The following CHD1 variants were observed in gnomAD, a reference collection of about 807,000 sequenced individuals.
CHD1 encodes ATP-dependent chromatin remodeler CHD1.
A neutral mutation model predicts 224.2 loss-of-function variants in CHD1; 36 were observed. The observed-to-expected ratio is 0.16, with a 90% CI of 0.12 to 0.21. The LOEUF (loss-of-function observed/expected upper bound fraction) is 0.21. Ranked by LOEUF, CHD1 falls within the 10% of genes least tolerant of loss-of-function variation. CHD1 has a pLI of 1.00. For missense variants in CHD1, 1,378 were observed against 1,994.8 expected, an observed-to-expected ratio of 0.69 and a Z score of 5.89; for synonymous variants, 668 against 658.3, an observed-to-expected ratio of 1.01 and a Z score of -0.23.
chr5:98,883,546 G>A (rs1364347788), intron 18 of CHD1, among the ~76,000 whole-genome samples: 2 of 151,792 alleles, frequency 1.3e-5, no homozygotes, highest in Non-Finnish European at 2.9e-5. Context: ...AAAACAGCGT[G>A]GAAATTCCTT....
Position 98,879,695 on chromosome 5 carries a change from T to C in CHD1, c.3094A>G (p.Ile1032Val), listed in dbSNP as rs1231601363. 2.5e-6 allele frequency: 4 copies of C among 1,605,518 alleles called. No homozygotes were observed. The highest frequency in any genetic ancestry group is 3.4e-6 in the Non-Finnish European group (4 of 1,177,972). ...GAATTTCTTTCAGGTTCCAACTCAA[T>C]GTCATCCTCATCCATATTTGAGAAG... is the stretch of plus-strand genomic sequence containing the variant. ...ANFSNMDEDDIELEPERNSKN... is the reference protein window; with the variant it reads ...ANFSNMDEDDVELEPERNSKN... Residue 1032 changes from isoleucine to valine, a missense_variant, in exon 23 of 36, where the codon ATT (isoleucine) becomes GTT (valine). Physicochemically the swap from Ile to Val is conservative, Grantham distance 29. Coordinates refer to ENST00000614616, the MANE Select transcript of CHD1 (RefSeq NM_001270.4).
Position 98,876,525 on chromosome 5 carries a change from T to C in CHD1, c.3271A>G (p.Arg1091Gly), listed in dbSNP as rs1490604656. 1.9e-6 allele frequency: 3 copies of C among 1,613,914 alleles called. No homozygotes were observed. Among genetic ancestry groups the C allele is most frequent in the South Asian group, 2.2e-5 (2 of 91,082 alleles). The change falls in exon 24 of 36, where the codon AGA (arginine) becomes GGA (glycine). Residue 1091 changes from arginine to glycine, a missense_variant. Arg to Gly is a moderately radical substitution (Grantham distance 125, BLOSUM62 -2). Transcript: ENST00000614616. ...SFNGSEGRRSRSRRYSGSDSD... is the reference protein window; with the variant it reads ...SFNGSEGRRSGSRRYSGSDSD... ...TCAGATCCAGAGTATCTCCTACTTCTACTGCGCCTCCCTTCACTTCCATTG... is the reference window on the plus strand; with the variant it reads ...TCAGATCCAGAGTATCTCCTACTTCCACTGCGCCTCCCTTCACTTCCATTG...
At chr5:98,888,903 G>C (rs1023285220) in intron 16 of CHD1, among the ~76,000 whole-genome samples, 173 bp downstream of exon 16, 6 of 152,074 alleles carry the variant, frequency 3.9e-5, no homozygotes, top group Non-Finnish European at 7.4e-5. Context: ...ACATAAATTA[G>C]AATTTTAAAG....
intron 1 of CHD1, among the ~76,000 whole-genome samples, chr5:98,926,924 G>C (rs796946517): frequency 8.9e-6 from 1 of 112,080 alleles, no homozygotes; most frequent in East Asian, 3.3e-4. Flanking sequence ...GAAGTGGGGG[G>C]GGGGGTGGGA....
intron 32 of CHD1, 115 bp from the exon 33 acceptor site, chr5:98,860,183 T>A (rs752658228): frequency 1.3e-5 from 9 of 688,076 alleles, no homozygotes; most frequent in Non-Finnish European, 2.5e-5. Context: ...CAGCCCTCTA[T>A]GGAACAAACT....
chr5:98,903,052 C>T (rs1194664259), intron 4 of CHD1, 88 bp from the exon 5 acceptor site: 7 of 689,722 alleles, frequency 1.0e-5, no homozygotes, highest in Non-Finnish European at 1.7e-5. Context: ...ATTTAACATT[C>T]ACTTTACAAA....
chr5:98,894,734 T>C, intron 12 of CHD1, 48 bp from the exon 13 acceptor site: 1 of 789,606 alleles, frequency 1.3e-6, no homozygotes, highest in Non-Finnish European at 2.1e-6. Flanking sequence ...ATCAAGCAAA[T>C]TATACTTTTA....
At chr5:98,865,833 C>T (rs757847084) in intron 31 of CHD1, among the ~76,000 whole-genome samples, 15 of 152,126 alleles carry the variant, frequency 9.9e-5, no homozygotes, top group Non-Finnish European at 1.6e-4. Context: ...TCTTCATTTC[C>T]ATGATACACA....
chr5:98,919,678 C>T (rs1195382076), intron 2 of CHD1, among the ~76,000 whole-genome samples: 1 of 152,084 alleles, frequency 6.6e-6, no homozygotes, highest in African/African-American at 2.4e-5. Flanking sequence ...TTAGAATGAA[C>T]CCTATAGCAC....
chr5:98,856,530 G>C lies in CHD1; in HGVS notation c.4983C>G (p.His1661Gln), dbSNP rs745624693. The C allele has an allele frequency of 2.5e-6, 4 of 1,613,904 alleles. No homozygotes were observed. In the Admixed American group the frequency reaches 5.0e-5, roughly 20 times the overall value. Residue 1661 changes from histidine (H) to glutamine (Q), a missense_variant, in exon 36 of 36, where the codon CAC (histidine) becomes CAG (glutamine). Physicochemically the swap from His to Gln is conservative, Grantham distance 24. This residue lies in a region of CHD1 where 278 missense variants were observed against 298.5 expected (regional missense o/e 0.93). Transcript: ENST00000614616. ...HHKSSRDYRY[H>Q]SDWQMDHRAS... ...CTCTGTGGTCCATTTGCCAGTCTGA[G>C]TGATACCTATAATCCCTGGAAGATT...
Position 98,898,543 on chromosome 5 carries a change from T to A in CHD1, c.1187-109A>T, listed in dbSNP as rs185689805. ...ACAAGTAAAATTTAGCTATCTAGTTTACAATACTGTTTTAGTAAGAGCAAG... is the reference window on the plus strand; with the variant it reads ...ACAAGTAAAATTTAGCTATCTAGTTAACAATACTGTTTTAGTAAGAGCAAG... On this transcript the variant is annotated intron_variant, in intron 9 of 35. Transcript: ENST00000614616. 1.6e-5 allele frequency: 20 copies of A among 1,229,152 alleles called. No individual in the cohort carries two copies. In the Middle Eastern group the frequency reaches 9.2e-4, roughly 57 times the overall value. 76.1% of individuals were successfully genotyped at this position (1,229,152 alleles called of 1,614,324 possible). A position where few individuals can be genotyped will look rare whatever the true frequency, so the allele number is the denominator to read the frequency against.
intron 18 of CHD1, among the ~76,000 whole-genome samples, chr5:98,885,024 G>A (rs1165358523): frequency 6.6e-6 from 1 of 151,972 alleles, no homozygotes; most frequent in Non-Finnish European, 1.5e-5. Context: ...GAGCTACTGT[G>A]CCCAATCTGG....
At position 98,870,723 on chromosome 5, in the gene CHD1, A is replaced by G. The variant is rs1749268918; in HGVS notation, c.3942T>C (p.Ser1314=). 1.2e-6 allele frequency: 2 copies of G among 1,610,948 alleles called. No individual in the cohort carries two copies. Among genetic ancestry groups the G allele is most frequent in the Non-Finnish European group, 1.7e-6 (2 of 1,178,400 alleles). The change falls in exon 29 of 36, where the codon AGT becomes AGC. Residue 1314 remains serine (S), a synonymous_variant. Coordinates refer to ENST00000614616, the MANE Select transcript of CHD1 (RefSeq NM_001270.4). The part of the protein sequence containing the change: ...TRADYLIKLL[S]RDLAKKEALS... ...GAGCTTCTTTTTTTGCAAGATCTCT[A>G]CTAAGTAATTTGATGAGGTAGTCTG...
At chr5:98,884,374 T>TGG (rs1359059151) in intron 18 of CHD1, among the ~76,000 whole-genome samples, 1 of 152,030 alleles carries the variant, frequency 6.6e-6, no homozygotes, top group Non-Finnish European at 1.5e-5. Flanking sequence ...ACGCCCAGCC[T>TGG]GGAGACTACT....
At chr5:98,870,028 T>C (rs1347862179) in intron 29 of CHD1, 146 bp from the exon 30 acceptor site, 6 of 578,212 alleles carry the variant, frequency 1.0e-5, no homozygotes, top group Non-Finnish European at 1.8e-5. Flanking sequence ...AGAAACTCAA[T>C]AAAGGTGATA....
rs192602175 is a variant in CHD1, at chr5:98,919,780, C to T, written c.53+6554G>A. Among the ~76,000 whole-genome samples the T allele has an allele frequency of 1.1e-4, 16 of 152,208 alleles. No homozygotes were observed. The East Asian group carries it at 1.2e-3, about 11-fold the overall frequency. ...AAGGATACAGAAATGACTATAGATA[C>T]GTAGGTATACATAATATATCTACAT... On this transcript the variant is annotated intron_variant, in intron 2 of 35. Transcript: ENST00000614616.
rs1368533085 is a variant in CHD1 at position 98,854,952 on chromosome 5, A to G, written c.*1428T>C. ...TCTGTGAATAAATATAAAGCATCCC[A>G]TAATAATATCTGTAGGAAGCCAAAA... On this transcript the variant is annotated 3_prime_UTR_variant, in exon 36 of 36. Transcript: ENST00000614616. 1 of 152,094 alleles carries G rather than the reference A, an allele frequency of 6.6e-6. No individual in the cohort carries two copies. Among genetic ancestry groups the G allele is most frequent in the African/African-American group, 2.4e-5 (1 of 41,368 alleles). The allele number at this position is 152,094 out of a possible 1,614,324, so 9.4% of individuals were successfully genotyped here.
intron 17 of CHD1, 28 bp downstream of exon 17, chr5:98,888,060 A>T (rs1750769974): frequency 6.9e-6 from 10 of 1,447,482 alleles, no homozygotes; most frequent in Non-Finnish European, 9.4e-6. Flanking sequence ...GATAAAATTT[A>T]AAACAACAAA....
intron 19 of CHD1, 137 bp from the exon 20 acceptor site, chr5:98,882,260 T>A: frequency 1.6e-6 from 1 of 631,168 alleles, no homozygotes; most frequent in Non-Finnish European, 2.6e-6. Context: ...AATGAAAATT[T>A]AAAAAACATG....
Sources: allele counts gnomAD v4.1 joint callset (sites outside exome capture counted in the v4.1 genomes callset), GRCh38; gene constraint gnomAD v4.1.1; regional missense constraint gnomAD v4.1.1; transcripts MANE v1.5; gene names NCBI Gene and HGNC (gene_info 2026-07-23, HGNC 2026-07-21).